The following BTRC variants were observed in gnomAD, a reference collection of about 807,000 sequenced individuals.
BTRC encodes the protein F-box/WD repeat-containing protein 1A.
Under a neutral mutation model 85.5 loss-of-function variants are expected in BTRC, and 42 were observed. The observed-to-expected ratio is 0.49, with a 90% CI of 0.38 to 0.64. The LOEUF is 0.64. Ranked by LOEUF, BTRC falls within the 30% of genes least tolerant of loss-of-function variation. The pLI is 0.00. For synonymous variants in BTRC, 255 were observed against 263.3 expected (o/e 0.97, Z 0.30); for missense variants, 594 against 743.5 (o/e 0.80, Z 2.34).
chr10:101,414,769 A>G (rs752422596), intron 1 of BTRC: 22 of 253,626 alleles, frequency 8.7e-5, no homozygotes, highest in Non-Finnish European at 1.3e-4. Flanking sequence ...TTCAACAAAG[A>G]TGTTTAAATA....
chr10:101,401,948 G>T (rs999291258), intron 1 of BTRC, among the ~76,000 whole-genome samples: 11 of 152,056 alleles, frequency 7.2e-5, no homozygotes, highest in African/African-American at 2.7e-4. Context: ...GAAAAATTTG[G>T]TTATTGTCTT....
At chr10:101,396,120 T>C (rs1943355766) in intron 1 of BTRC, among the ~76,000 whole-genome samples, 1 of 151,850 alleles carries the variant, frequency 6.6e-6, no homozygotes, top group Admixed American at 6.6e-5. Flanking sequence ...AGTTCTGTTA[T>C]AGCGAATACT....
At chr10:101,407,728 C>CT (rs60661364) in intron 1 of BTRC, among the ~76,000 whole-genome samples, 45,376 of 138,188 alleles carry the variant, frequency 0.33, 9,631 homozygotes, top group East Asian at 0.67. Flanking sequence ...TTTTCTTTTT[C>CT]TTTTTTTTTT....
At chr10:101,357,995 A>G (rs1429922761) in intron 1 of BTRC, among the ~76,000 whole-genome samples, 1 of 152,204 alleles carries the variant, frequency 6.6e-6, no homozygotes, top group Non-Finnish European at 1.5e-5. Context: ...AGAGAACCTA[A>G]GAAGAGAAAT....
At chr10:101,354,424 C>A in intron 1 of BTRC, 196 bp downstream of exon 1, 1 of 597,044 alleles carries the variant, frequency 1.7e-6, no homozygotes, top group Non-Finnish European at 2.8e-6. Context: ...GTGGGGGCAG[C>A]GGCTCCGCCA....
intron 4 of BTRC, among the ~76,000 whole-genome samples, chr10:101,497,139 G>A (rs750616285): frequency 2.0e-5 from 3 of 152,132 alleles, no homozygotes; most frequent in Non-Finnish European, 4.4e-5. Flanking sequence ...ATACCCAGTT[G>A]ACCTAGCACC....
intron 2 of BTRC, among the ~76,000 whole-genome samples, chr10:101,442,286 C>G (rs1325139745): frequency 5.9e-5 from 6 of 102,496 alleles, no homozygotes; most frequent in Admixed American, 4.7e-4. Context: ...CTCTCTCTGT[C>G]TCTGTGTGTA....
intron 2 of BTRC, among the ~76,000 whole-genome samples, chr10:101,450,764 G>A (rs1433082639): frequency 6.6e-6 from 1 of 152,072 alleles, no homozygotes; most frequent in Non-Finnish European, 1.5e-5. Context: ...GGTGATATGT[G>A]TGGCCAGAGG....
chr10:101,401,269 A>G (rs775085669), intron 1 of BTRC, among the ~76,000 whole-genome samples: 6 of 152,194 alleles, frequency 3.9e-5, no homozygotes, highest in African/African-American at 7.2e-5. Context: ...TACTCTTATC[A>G]CGTGAATGAG....
intron 13 of BTRC, among the ~76,000 whole-genome samples, chr10:101,547,729 ACT>A (rs1195011363): frequency 7.9e-5 from 12 of 152,068 alleles, no homozygotes; most frequent in African/African-American, 1.9e-4. Flanking sequence ...AAATGTAGTA[ACT>A]CTGAAATTTT....
chr10:101,522,922 T>C (rs1013656254), intron 5 of BTRC, among the ~76,000 whole-genome samples: 11 of 152,048 alleles, frequency 7.2e-5, no homozygotes, highest in Admixed American at 7.2e-4. Context: ...ATTCTACAGA[T>C]GGGTTGGGCA....
At chr10:101,385,188 A>G (rs1460865840) in intron 1 of BTRC, among the ~76,000 whole-genome samples, 1 of 149,360 alleles carries the variant, frequency 6.7e-6, no homozygotes, top group African/African-American at 2.4e-5. Flanking sequence ...ACAGAGTGAG[A>G]TCCTGTCTCT....
At chr10:101,403,135 T>C (rs1943530902) in intron 1 of BTRC, among the ~76,000 whole-genome samples, 1 of 152,250 alleles carries the variant, frequency 6.6e-6, no homozygotes, top group Non-Finnish European at 1.5e-5. Flanking sequence ...GGAATAAATG[T>C]AGCTTCCTGA....
intron 1 of BTRC, among the ~76,000 whole-genome samples, chr10:101,410,914 T>C (rs929826098): frequency 3.7e-4 from 56 of 152,180 alleles, no homozygotes; most frequent in African/African-American, 1.3e-3. Flanking sequence ...CTGTAACTTA[T>C]TATTTTTGCT....
At chr10:101,536,777 A>G in intron 12 of BTRC, 124 bp downstream of exon 12, 2 of 658,626 alleles carry the variant, frequency 3.0e-6, no homozygotes, top group Non-Finnish European at 5.1e-6. Flanking sequence ...AAAATATCTG[A>G]TACCATATTT....
intron 5 of BTRC, among the ~76,000 whole-genome samples, chr10:101,524,832 C>G (rs762696153): frequency 6.6e-6 from 1 of 152,114 alleles, no homozygotes; most frequent in East Asian, 1.9e-4. Flanking sequence ...TGCTTACATA[C>G]GAACATGTGA....
At chr10:101,357,971 A>G (rs1942090979) in intron 1 of BTRC, among the ~76,000 whole-genome samples, 1 of 152,252 alleles carries the variant, frequency 6.6e-6, no homozygotes, top group Admixed American at 6.5e-5. Context: ...ACAAAAGTAT[A>G]AATGGAAACT....
chr10:101,467,374 T>G (rs1409565275), intron 3 of BTRC, among the ~76,000 whole-genome samples: 1 of 151,688 alleles, frequency 6.6e-6, no homozygotes, highest in Non-Finnish European at 1.5e-5. Flanking sequence ...TTAGTCACTT[T>G]AATTGTATTG....
At chr10:101,370,158 C>G (rs778359952) in intron 1 of BTRC, among the ~76,000 whole-genome samples, 15 of 152,176 alleles carry the variant, frequency 9.9e-5, no homozygotes, top group Non-Finnish European at 1.6e-4. Context: ...CACTCTTTTG[C>G]CCAGGCTGCA....
Sources: gnomAD v4.1 joint callset for allele counts (sites outside exome capture counted in the v4.1 genomes callset) on GRCh38, gnomAD v4.1.1 for gene constraint, MANE v1.5 for transcripts, NCBI Gene and HGNC (gene_info 2026-07-23, HGNC 2026-07-21) for gene names.